Variants in SPOPL observed in about 807,000 individuals in gnomAD.
The protein encoded by SPOPL is speckle-type POZ protein-like.
In SPOPL, 23 loss-of-function variants were observed where a neutral mutation model predicts 53.8. That is an observed-to-expected ratio of 0.43 (90% confidence interval 0.31 to 0.61). The LOEUF (loss-of-function observed/expected upper bound fraction) is 0.61, where lower values mean the gene tolerates loss of function less well. Ranked by LOEUF, SPOPL falls within the 20% of genes least tolerant of loss-of-function variation. The pLI is 0.12. For missense variants in SPOPL, 442 were observed against 466.9 expected (o/e 0.95, Z 0.49); for synonymous variants, 164 against 149.7 (o/e 1.10, Z -0.70).
In SPOPL at chr2:138,559,122, G is replaced by T. The variant is rs201242515; in HGVS notation, c.581G>T (p.Trp194Leu). 4 of 1,613,766 alleles carry T rather than the reference G, an allele frequency of 2.5e-6. No homozygotes were observed. ...CRLAEDLGNL[W>L]ENTRFTDCSF... ...CTAGCAGAAGATTTAGGTAATCTCTGGGAAAACACAAGATTTACAGACTGC... is the reference window on the plus strand; with the variant it reads ...CTAGCAGAAGATTTAGGTAATCTCTTGGAAAACACAAGATTTACAGACTGC... Residue 194 changes from tryptophan (W) to leucine (L), a missense_variant, in exon 6 of 11, where the codon TGG (tryptophan) becomes TTG (leucine). Trp to Leu is a moderately conservative substitution (Grantham distance 61). Transcript: ENST00000280098.
intron 2 of SPOPL, 44 bp from the exon 3 acceptor site, chr2:138,550,439 G>A (rs753440110): frequency 6.3e-7 from 1 of 1,596,358 alleles, no homozygotes; most frequent in Non-Finnish European, 8.6e-7. Flanking sequence ...CAAGTTAAAA[G>A]TATTACCGTC....
At chr2:138,529,975 G>A (rs559463866) in intron 1 of SPOPL, among the ~76,000 whole-genome samples, 26 of 152,018 alleles carry the variant, frequency 1.7e-4, no homozygotes, top group South Asian at 1.5e-3. Context: ...CTCCTCCCAC[G>A]CTTTACCCTC....
At chr2:138,503,135 T>C (rs59275166) in intron 1 of SPOPL, among the ~76,000 whole-genome samples, 9,166 of 152,286 alleles carry the variant, frequency 0.06, 755 homozygotes, top group East Asian at 0.33. Flanking sequence ...ATGAGATTGG[T>C]GGAATATTTC....
intron 1 of SPOPL, among the ~76,000 whole-genome samples, chr2:138,511,043 A>T (rs1684312938): frequency 6.6e-6 from 1 of 152,242 alleles, no homozygotes; most frequent in African/African-American, 2.4e-5. Flanking sequence ...ATCATTTCTC[A>T]TTGCATTTAA....
intron 10 of SPOPL, among the ~76,000 whole-genome samples, chr2:138,568,033 G>A (rs1685701268): frequency 6.6e-6 from 1 of 152,092 alleles, no homozygotes; most frequent in South Asian, 2.1e-4. Flanking sequence ...ATATGATGCT[G>A]TATTTCTCTT....
chr2:138,558,200 G>T (rs1256405558), intron 5 of SPOPL, among the ~76,000 whole-genome samples: 2 of 152,022 alleles, frequency 1.3e-5, no homozygotes, highest in Non-Finnish European at 1.5e-5. Flanking sequence ...TTAAAAAGTG[G>T]TGTGCAAGAC....
chr2:138,547,151 A>G (rs1191320778), intron 1 of SPOPL, among the ~76,000 whole-genome samples: 2 of 152,134 alleles, frequency 1.3e-5, no homozygotes, highest in Non-Finnish European at 2.9e-5. Flanking sequence ...TTTTTAGTAG[A>G]GACAGGGTTT....
chr2:138,561,407 T>C (rs145883964), intron 8 of SPOPL, among the ~76,000 whole-genome samples: 251 of 152,288 alleles, frequency 1.6e-3, no homozygotes, highest in African/African-American at 5.8e-3. Context: ...TTTTTGAAGG[T>C]AGAGAAACTG....
At chr2:138,528,030 A>G (rs1008104833) in intron 1 of SPOPL, among the ~76,000 whole-genome samples, 1 of 152,188 alleles carries the variant, frequency 6.6e-6, no homozygotes, top group Non-Finnish European at 1.5e-5. Context: ...TTTTCTTCGC[A>G]TCTCATTCCT....
chr2:138,568,207 G>A (rs905954351), intron 10 of SPOPL, among the ~76,000 whole-genome samples: 1 of 152,092 alleles, frequency 6.6e-6, no homozygotes, highest in Non-Finnish European at 1.5e-5. Flanking sequence ...GATGATGTGG[G>A]CCTTAAACTG....
At chr2:138,525,492 T>C (rs1684650909) in intron 1 of SPOPL, among the ~76,000 whole-genome samples, 1 of 151,952 alleles carries the variant, frequency 6.6e-6, no homozygotes, top group Non-Finnish European at 1.5e-5. Context: ...TATATACTGC[T>C]TTTTTTTCCT....
At chr2:138,565,850 C>T (rs912962698) in intron 10 of SPOPL, among the ~76,000 whole-genome samples, 1 of 151,652 alleles carries the variant, frequency 6.6e-6, no homozygotes, top group Non-Finnish European at 1.5e-5. Flanking sequence ...TCTCCTGCCT[C>T]AGCCTCCCAA....
chr2:138,565,113 A>T, intron 10 of SPOPL, 120 bp downstream of exon 10: 2 of 1,267,670 alleles, frequency 1.6e-6, no homozygotes, highest in South Asian at 2.7e-5. Flanking sequence ...GCAAACTGCC[A>T]GTTATTAAAA....
intron 1 of SPOPL, among the ~76,000 whole-genome samples, chr2:138,506,831 C>T (rs763464852): frequency 3.9e-5 from 6 of 152,038 alleles, no homozygotes; most frequent in Non-Finnish European, 5.9e-5. Context: ...TAATTGATGT[C>T]TGGGAGTGAG....
At position 138,560,884 on chromosome 2, in the gene SPOPL, A is replaced by G; in HGVS notation, c.794A>G (p.Asn265Ser). The G allele has an allele frequency of 6.2e-7, 1 of 1,610,456 alleles. No homozygotes were observed. The highest frequency in any genetic ancestry group is 8.5e-7 in the Non-Finnish European group (1 of 1,178,864). The change falls in exon 8 of 11, where the codon AAC (asparagine) becomes AGC (serine). Residue 265 changes from asparagine (N) to serine (S), a missense_variant. Transcript: ENST00000280098. Reference protein sequence around the residue: ...MRFIYTGRAPNLDKMADNLLA... With the variant: ...MRFIYTGRAPSLDKMADNLLA... Reference sequence around the variant, plus strand: ...TTCATTTACACAGGGAGAGCACCAAACCTTGACAAAATGGCTGACAACTTG... The same window carrying G: ...TTCATTTACACAGGGAGAGCACCAAGCCTTGACAAAATGGCTGACAACTTG...
Position 138,559,215 on chromosome 2 carries a change from G to A in SPOPL, c.658+16G>A. The A allele has an allele frequency of 1.9e-6, 3 of 1,611,230 alleles. No homozygotes were observed. The highest frequency in any genetic ancestry group is 2.5e-6 in the Non-Finnish European group (3 of 1,178,830). On this transcript the variant is annotated intron_variant, in intron 6 of 10. Transcript: ENST00000280098. ...GTGCTTGCAGGTACTTTCTAGTTAT[G>A]GGGTAATATAGTACATTTAAAAAAA...
At chr2:138,537,228 A>T (rs1034416380) in intron 1 of SPOPL, among the ~76,000 whole-genome samples, 1 of 152,182 alleles carries the variant, frequency 6.6e-6, no homozygotes, top group Non-Finnish European at 1.5e-5. Flanking sequence ...GGCTGGGAGC[A>T]TCGGCAGACT....
chr2:138,543,068 CT>C (rs1309965471), intron 1 of SPOPL, among the ~76,000 whole-genome samples: 1 of 152,220 alleles, frequency 6.6e-6, no homozygotes, highest in Non-Finnish European at 1.5e-5. Context: ...TTGGCCCCCA[CT>C]TTCTTCTGGC....
intron 10 of SPOPL, among the ~76,000 whole-genome samples, chr2:138,566,654 T>C (rs1685664864): frequency 1.3e-5 from 2 of 152,192 alleles, no homozygotes; most frequent in African/African-American, 4.8e-5. Context: ...AAAAATTGTT[T>C]TGTTGGTATC....
Sources: gnomAD v4.1 joint callset for allele counts (sites outside exome capture counted in the v4.1 genomes callset) on GRCh38, gnomAD v4.1.1 for gene constraint, MANE v1.5 for transcripts, NCBI Gene and HGNC (gene_info 2026-07-23, HGNC 2026-07-21) for gene names.